Variants in CTTNBP2 observed in about 807,000 individuals in gnomAD.
CTTNBP2 encodes cortactin-binding protein 2.
A neutral mutation model predicts 156.9 loss-of-function variants in CTTNBP2; 108 were observed. That is an observed-to-expected ratio of 0.69 (90% CI 0.59 to 0.81). The LOEUF is 0.81. Among genes scored for constraint, CTTNBP2 ranks in the 30% least tolerant of loss-of-function variants. The pLI, the probability that CTTNBP2 is intolerant of heterozygous loss-of-function variation, is 0.00. For missense variants in CTTNBP2, 1,924 were observed against 2,035.4 expected, an observed-to-expected ratio of 0.95 and a Z score of 1.05; for synonymous variants, 767 against 751.8, an observed-to-expected ratio of 1.02 and a Z score of -0.33.
At chr7:117,752,341 C>T (rs1796658831) in intron 12 of CTTNBP2, among the ~76,000 whole-genome samples, 1 of 152,104 alleles carries the variant, frequency 6.6e-6, no homozygotes, top group Non-Finnish European at 1.5e-5. Context: ...TACTCATAGT[C>T]ACTGAATTAT....
chr7:117,809,238 G>A (rs914854851), intron 3 of CTTNBP2, among the ~76,000 whole-genome samples: 1 of 152,090 alleles, frequency 6.6e-6, no homozygotes, highest in East Asian at 1.9e-4. Flanking sequence ...AACTAGAAGT[G>A]TTCTTTTTTT....
intron 12 of CTTNBP2, among the ~76,000 whole-genome samples, chr7:117,748,705 C>T (rs372541541): frequency 1.1e-3 from 160 of 152,288 alleles, no homozygotes; most frequent in African/African-American, 3.7e-3. Context: ...GACTTTCTTG[C>T]CCTGCTTTCA....
At chr7:117,767,769 T>G (rs566256252) in intron 8 of CTTNBP2, among the ~76,000 whole-genome samples, 33 of 152,322 alleles carry the variant, frequency 2.2e-4, no homozygotes, top group African/African-American at 7.7e-4. Context: ...ACCTTTCCTT[T>G]TCAGCTTTTT....
At chr7:117,816,883 G>A (rs1209462631) in intron 2 of CTTNBP2, among the ~76,000 whole-genome samples, 1 of 152,110 alleles carries the variant, frequency 6.6e-6, no homozygotes, top group Non-Finnish European at 1.5e-5. Flanking sequence ...CCTAAAAAAG[G>A]AAGAGCTGAA....
intron 4 of CTTNBP2, among the ~76,000 whole-genome samples, chr7:117,790,022 T>A (rs763409664): frequency 4.6e-5 from 7 of 152,220 alleles, no homozygotes; most frequent in Non-Finnish European, 8.8e-5. Context: ...AATATGATGC[T>A]ATTTGCTTTT....
At chr7:117,711,871 G>A (rs1035044253) in intron 22 of CTTNBP2, 89 bp from the exon 23 acceptor site, 3 of 1,311,762 alleles carry the variant, frequency 2.3e-6, no homozygotes, top group African/African-American at 1.5e-5. Context: ...AAATGTACAG[G>A]AGTTTCTCTC....
chr7:117,715,663 A>G (rs1794313281), intron 22 of CTTNBP2: 1 of 152,196 alleles, frequency 6.6e-6, no homozygotes, highest in Admixed American at 6.5e-5. Context: ...CCACTTGATT[A>G]GTAAACCCAA....
At chr7:117,714,464 T>A (rs979942380) in intron 22 of CTTNBP2, among the ~76,000 whole-genome samples, 1 of 152,146 alleles carries the variant, frequency 6.6e-6, no homozygotes, top group Non-Finnish European at 1.5e-5. Context: ...CTATACAGAA[T>A]CTGGTGGTGA....
chr7:117,770,166 C>A (rs1276555238), intron 8 of CTTNBP2, among the ~76,000 whole-genome samples: 1 of 152,166 alleles, frequency 6.6e-6, no homozygotes, highest in Non-Finnish European at 1.5e-5. Flanking sequence ...AATCTCAAGA[C>A]AATTTAAGTG....
At chr7:117,845,271 C>T (rs1253775274) in intron 2 of CTTNBP2, among the ~76,000 whole-genome samples, 1 of 152,130 alleles carries the variant, frequency 6.6e-6, no homozygotes, top group African/African-American at 2.4e-5. Flanking sequence ...AAATAAATGA[C>T]ATGCAGTGAT....
chr7:117,712,779 A>G (rs1746152816), intron 22 of CTTNBP2, among the ~76,000 whole-genome samples: 1 of 152,142 alleles, frequency 6.6e-6, no homozygotes, highest in South Asian at 2.1e-4. Flanking sequence ...CCCTATTACC[A>G]GAGATTCATA....
At chr7:117,800,141 A>AT (rs556920371) in intron 3 of CTTNBP2, among the ~76,000 whole-genome samples, 1,964 of 148,152 alleles carry the variant, frequency 0.013, 35 homozygotes, top group African/African-American at 0.044. Context: ...ATTGCCTTTA[A>AT]TTTTTTTTTT....
chr7:117,805,449 A>G (rs1235502693), intron 3 of CTTNBP2, among the ~76,000 whole-genome samples: 1 of 152,170 alleles, frequency 6.6e-6, no homozygotes. Flanking sequence ...GCCAATGGGC[A>G]CAGCTGTTCA....
chr7:117,821,628 G>A (rs1436779057), intron 2 of CTTNBP2, among the ~76,000 whole-genome samples: 23 of 141,672 alleles, frequency 1.6e-4, no homozygotes, highest in Non-Finnish European at 2.7e-4. Flanking sequence ...TCTCTCTGTC[G>A]CCCAGGCTGG....
chr7:117,719,133 G>A (rs1378824823), intron 21 of CTTNBP2, among the ~76,000 whole-genome samples: 9 of 152,108 alleles, frequency 5.9e-5, no homozygotes, highest in Non-Finnish European at 1.3e-4. Flanking sequence ...CCCGGGAGGC[G>A]GAGCTTGCAG....
At chr7:117,867,629 A>T (rs906516216) in intron 1 of CTTNBP2, among the ~76,000 whole-genome samples, 3 of 152,166 alleles carry the variant, frequency 2.0e-5, no homozygotes, top group African/African-American at 7.2e-5. Context: ...TCTCAGGTAC[A>T]TCCATCTTAC....
intron 2 of CTTNBP2, among the ~76,000 whole-genome samples, chr7:117,836,162 G>A (rs956012549): frequency 1.1e-4 from 16 of 152,120 alleles, no homozygotes; most frequent in Non-Finnish European, 1.9e-4. Flanking sequence ...ACCTTCTCAC[G>A]CTACTTCAAG....
chr7:117,832,235 C>T lies in CTTNBP2; in HGVS notation c.190-21246G>A, dbSNP rs1324894965. Among the ~76,000 whole-genome samples, 5 of 152,072 alleles carry T rather than the reference C, an allele frequency of 3.3e-5. No homozygotes were observed. In the South Asian group the frequency reaches 6.2e-4, roughly 19 times the overall value. Reference sequence around the variant, plus strand: ...AATGGCTACATCCTATTATAAATCCCGCTCATCTTTAACCCCTCCTCTCCA... The same window carrying T: ...AATGGCTACATCCTATTATAAATCCTGCTCATCTTTAACCCCTCCTCTCCA... On this transcript the variant is annotated intron_variant, in intron 2 of 22. Transcript: ENST00000160373.
intron 3 of CTTNBP2, among the ~76,000 whole-genome samples, chr7:117,804,331 A>G (rs1438323504): frequency 5.3e-5 from 8 of 152,304 alleles, no homozygotes; most frequent in Non-Finnish European, 1.5e-5. Flanking sequence ...GTATATAACA[A>G]ACATTTGTTT....
Sources: allele counts gnomAD v4.1 joint callset (sites outside exome capture counted in the v4.1 genomes callset), GRCh38; gene constraint gnomAD v4.1.1; transcripts MANE v1.5; gene names NCBI Gene and HGNC (gene_info 2026-07-23, HGNC 2026-07-21).